The following PPARG variants were observed in gnomAD, a reference collection of about 807,000 sequenced individuals.
PPARG encodes peroxisome proliferator activated receptor gamma, also known as peroxisome proliferator-activated receptor gamma.
A neutral mutation model predicts 39.2 loss-of-function variants in PPARG; 17 were observed. That is an observed-to-expected ratio of 0.43 (90% CI 0.30 to 0.65). The LOEUF is 0.65. Among genes scored for constraint, PPARG ranks in the 30% least tolerant of loss-of-function variants. The pLI is 0.13. For missense variants in PPARG, 406 were observed against 585.9 expected, an observed-to-expected ratio of 0.69 and a Z score of 3.17; for synonymous variants, 223 against 215.7, an observed-to-expected ratio of 1.03 and a Z score of -0.30.
chr3:12,356,011 G>A (rs1276103849), intron 2 of PPARG, among the ~76,000 whole-genome samples: 3 of 152,178 alleles, frequency 2.0e-5, no homozygotes, highest in Non-Finnish European at 4.4e-5. Flanking sequence ...GAGGAAATCT[G>A]AGCAAAGTAA....
chr3:12,340,751 G>A (rs1034959180), intron 2 of PPARG, among the ~76,000 whole-genome samples: 2 of 152,172 alleles, frequency 1.3e-5, no homozygotes, highest in African/African-American at 2.4e-5. Context: ...AACCAGTTAA[G>A]TTTGTATTCT....
At chr3:12,352,480 T>C (rs2048519118) in intron 2 of PPARG, among the ~76,000 whole-genome samples, 2 of 152,212 alleles carry the variant, frequency 1.3e-5, no homozygotes, top group Admixed American at 6.5e-5. Context: ...TACTGGAGTT[T>C]CTTAGCACAG....
Position 12,379,690 on chromosome 3 carries a change from AT to A in PPARG, c.-8-9del. The A allele has an allele frequency of 3.1e-6, 5 of 1,608,138 alleles. No individual in the cohort carries two copies. Among genetic ancestry groups the A allele is most frequent in the Non-Finnish European group, 4.3e-6 (5 of 1,174,736 alleles). ...TAGGACTTAACTTCACAGCTAGTCT[AT>A]TTTTCCTTTCAGAAATGACCATGGT... On this transcript the variant is annotated splice_polypyrimidine_tract_variant and intron_variant, in intron 2 of 7. Transcript: ENST00000651735.
chr3:12,399,630 T>G (rs1437980379), intron 5 of PPARG: 88 of 95,236 alleles, frequency 9.2e-4, no homozygotes, highest in Admixed American at 1.3e-3. Context: ...AGAGAAAGGA[T>G]GGAAGGGAGG....
At chr3:12,415,926 G>T (rs181961092) in intron 6 of PPARG, among the ~76,000 whole-genome samples, 31 of 152,204 alleles carry the variant, frequency 2.0e-4, no homozygotes, top group African/African-American at 7.0e-4. Flanking sequence ...AAAGGAAAAA[G>T]AAATTTTAAG....
intron 4 of PPARG, among the ~76,000 whole-genome samples, chr3:12,382,851 G>T (rs1158459486): frequency 6.6e-6 from 1 of 152,072 alleles, no homozygotes; most frequent in Non-Finnish European, 1.5e-5. Flanking sequence ...CATGCCTGTA[G>T]TCCTAGCTTC....
At position 12,382,303 on chromosome 3, in the gene PPARG, G is replaced by A. The variant is rs556883907; in HGVS notation, c.390+812G>A. 3.6e-4 allele frequency among the ~76,000 whole-genome samples: 55 copies of A among 152,106 alleles called. 1 individual carries two copies. Among genetic ancestry groups the A allele is most frequent in the African/African-American group, 6.0e-4 (25 of 41,494 alleles). Reference sequence around the variant, plus strand: ...AAAGGGTATTTTGGAAAATTCAGACGTTTAGTAATTTATTGCTTAATTATT... The same window carrying A: ...AAAGGGTATTTTGGAAAATTCAGACATTTAGTAATTTATTGCTTAATTATT... On this transcript the variant is annotated intron_variant, in intron 4 of 7. Coordinates refer to ENST00000651735, the MANE Select transcript of PPARG (RefSeq NM_138711.6).
chr3:12,421,078 T>G (rs2051243769), intron 7 of PPARG, among the ~76,000 whole-genome samples: 1 of 152,044 alleles, frequency 6.6e-6, no homozygotes, highest in Non-Finnish European at 1.5e-5. Flanking sequence ...GAAAGAAAAG[T>G]GAGGGTCGTA....
At chr3:12,357,779 A>G (rs972623838) in intron 2 of PPARG, among the ~76,000 whole-genome samples, 2 of 152,224 alleles carry the variant, frequency 1.3e-5, no homozygotes, top group Non-Finnish European at 2.9e-5. Flanking sequence ...TACGGCTTCT[A>G]TCACACAATT....
chr3:12,396,776 A>G (rs923684586), intron 5 of PPARG, among the ~76,000 whole-genome samples: 3 of 151,450 alleles, frequency 2.0e-5, no homozygotes, highest in Non-Finnish European at 2.9e-5. Flanking sequence ...AAAAAAAAAA[A>G]GAATTGTGAC....
intron 2 of PPARG, among the ~76,000 whole-genome samples, chr3:12,374,089 G>A (rs763738571): frequency 4.7e-4 from 71 of 152,258 alleles, no homozygotes; most frequent in South Asian, 4.1e-4. Context: ...GTAAGTTAGG[G>A]CTGAGACATA....
intron 1 of PPARG, among the ~76,000 whole-genome samples, chr3:12,295,983 G>A (rs989199020): frequency 6.6e-6 from 1 of 152,038 alleles, no homozygotes; most frequent in Non-Finnish European, 1.5e-5. Flanking sequence ...TGGTCATGGT[G>A]GCACACACCT....
At chr3:12,342,006 A>G (rs1458820236) in intron 2 of PPARG, among the ~76,000 whole-genome samples, 4 of 152,184 alleles carry the variant, frequency 2.6e-5, no homozygotes, top group African/African-American at 9.7e-5. Context: ...GAAGGAGAAA[A>G]AGTAACTGTA....
intron 1 of PPARG, 85 bp downstream of exon 1, chr3:12,289,219 A>G (rs961535082): frequency 6.6e-6 from 1 of 151,880 alleles, no homozygotes; most frequent in African/African-American, 2.4e-5. Flanking sequence ...TTATCCTTAT[A>G]TCATTTTTTT....
intron 7 of PPARG, among the ~76,000 whole-genome samples, chr3:12,428,673 A>G (rs555836607): frequency 1.8e-4 from 28 of 152,328 alleles, no homozygotes; most frequent in African/African-American, 6.5e-4. Context: ...CAGAAAGGGG[A>G]AAGAGACTAG....
intron 2 of PPARG, among the ~76,000 whole-genome samples, chr3:12,353,469 G>A (rs1025744843): frequency 6.6e-6 from 1 of 152,132 alleles, no homozygotes; most frequent in South Asian, 2.1e-4. Flanking sequence ...ATCATTAGCC[G>A]AGGCCAGCAG....
At chr3:12,381,692 C>T (rs556030976) in intron 4 of PPARG, among the ~76,000 whole-genome samples, 46 of 152,188 alleles carry the variant, frequency 3.0e-4, no homozygotes, top group African/African-American at 9.9e-4. Flanking sequence ...ATCCTCCCAC[C>T]TCAGCCTCCC....
rs1432288083 is a variant in PPARG at position 12,351,554 on chromosome 3, A to G, written c.-8-28150A>G. On this transcript the variant is annotated intron_variant, in intron 2 of 7. Transcript: ENST00000651735. ...ATCTTTTGCTAGATAGAGACAAAAT[A>G]TCAGTGTGAATTACAGCAAACCCCT... is the stretch of plus-strand genomic sequence containing the variant. The G allele has an allele frequency of 3.5e-6, 5 of 1,448,852 alleles. No individual in the cohort carries two copies. In the East Asian group the frequency reaches 1.1e-4, roughly 33 times the overall value. The allele number at this position is 1,448,852 out of a possible 1,614,324, so 89.7% of individuals were successfully genotyped here.
intron 2 of PPARG, among the ~76,000 whole-genome samples, chr3:12,368,175 TTC>T (rs1184732119): frequency 8.3e-6 from 1 of 119,980 alleles, no homozygotes; most frequent in African/African-American, 2.7e-5. Context: ...TTTCATTTTT[TTC>T]TTTTTCTTTT....
Sources: allele counts gnomAD v4.1 joint callset (sites outside exome capture counted in the v4.1 genomes callset), GRCh38; gene constraint gnomAD v4.1.1; transcripts MANE v1.5; gene names NCBI Gene and HGNC (gene_info 2026-07-23, HGNC 2026-07-21).